LINGO2: variants seen among roughly 807,000 people sequenced by gnomAD.
LINGO2 encodes leucine rich repeat and Ig domain containing 2.
LINGO2 carries 14 observed loss-of-function variants against 30.6 expected under a neutral mutation model. That is an observed-to-expected ratio of 0.46 (90% CI 0.30 to 0.72). The LOEUF (loss-of-function observed/expected upper bound fraction) is 0.72. Among genes scored for constraint, LINGO2 ranks in the 30% least tolerant of loss-of-function variants. LINGO2 has a pLI of 0.07. For missense variants in LINGO2, 729 were observed against 751.7 expected, an observed-to-expected ratio of 0.97 and a Z score of 0.35; for synonymous variants, 317 against 288.5, an observed-to-expected ratio of 1.10 and a Z score of -1.00.
At chr9:28,779,966 CT>C in the LINGO2 span, among the ~76,000 whole-genome samples, 1 of 151,902 alleles carries the variant, frequency 6.6e-6, no homozygotes, top group African/African-American at 2.4e-5. Context: ...TGTTTAATGC[CT>C]TTTTTCTTCT....
At chr9:28,520,422 T>G (rs970648825) in intron 1 of LINGO2, among the ~76,000 whole-genome samples, 4 of 152,194 alleles carry the variant, frequency 2.6e-5, no homozygotes, top group African/African-American at 9.6e-5. Context: ...ATTTATTACC[T>G]CTTCAGAGGG....
chr9:28,384,836 AAAT>A (rs66469432), intron 2 of LINGO2, among the ~76,000 whole-genome samples: 55,504 of 151,478 alleles, frequency 0.37, 10,968 homozygotes, highest in East Asian at 0.48. Flanking sequence ...TAAAAAAAAA[AAAT>A]GTCTTCACAT....
At chr9:28,479,934 T>TAC (rs1825887569) in intron 1 of LINGO2, among the ~76,000 whole-genome samples, 2 of 121,100 alleles carry the variant, frequency 1.7e-5, no homozygotes, top group African/African-American at 7.8e-5. Context: ...TATATATATA[T>TAC]ATATATATAT....
rs1016515278 is a variant in LINGO2 at position 28,348,846 on chromosome 9, A to C, written c.-246+23990T>G. ...CCTCAAGTGGGTCCCTGACCCCTGA[A>C]CCCCGGGCAGCCTAACTGGGAGGCA... On this transcript the variant is annotated intron_variant, in intron 3 of 5. Coordinates refer to ENST00000379992, the Ensembl canonical transcript of LINGO2. 8.6e-5 allele frequency among the ~76,000 whole-genome samples: 13 copies of C among 151,998 alleles called. No individual in the cohort carries two copies. In the South Asian group the frequency reaches 1.9e-3, roughly 22 times the overall value.
chr9:28,133,047 A>G (rs1346405448), intron 4 of LINGO2, among the ~76,000 whole-genome samples: 1 of 149,984 alleles, frequency 6.7e-6, no homozygotes, highest in African/African-American at 2.5e-5. Flanking sequence ...AATGTCACAA[A>G]AATACAGGAA....
chr9:27,986,880 A>G (rs547818676), intron 5 of LINGO2, among the ~76,000 whole-genome samples: 1 of 151,878 alleles, frequency 6.6e-6, no homozygotes, highest in Non-Finnish European at 1.5e-5. Context: ...ATGTTCTACT[A>G]TCCAAGAAGA....
At chr9:28,843,535 A>G in the LINGO2 span, among the ~76,000 whole-genome samples, 1 of 151,888 alleles carries the variant, frequency 6.6e-6, no homozygotes, top group African/African-American at 2.4e-5. Flanking sequence ...GAAGGACACA[A>G]GACAGAGACA....
the LINGO2 span, among the ~76,000 whole-genome samples, chr9:29,026,943 A>C: frequency 9.0e-6 from 1 of 111,036 alleles, no homozygotes; most frequent in African/African-American, 2.6e-5. Context: ...AAATATATTT[A>C]AACTAAATAA....
At chr9:29,043,734 C>A in the LINGO2 span, among the ~76,000 whole-genome samples, 7 of 151,950 alleles carry the variant, frequency 4.6e-5, no homozygotes, top group African/African-American at 9.7e-5. Context: ...ACTGACCTCC[C>A]TTGATTACTT....
chr9:28,386,838 GTTATA>G (rs1821598940), intron 2 of LINGO2, among the ~76,000 whole-genome samples: 3 of 152,168 alleles, frequency 2.0e-5, no homozygotes, highest in African/African-American at 7.2e-5. Flanking sequence ...ACATGAAACA[GTTATA>G]TTTTATATGG....
chr9:28,105,274 C>A (rs1424825119), intron 4 of LINGO2, among the ~76,000 whole-genome samples: 2 of 152,116 alleles, frequency 1.3e-5, no homozygotes, highest in East Asian at 3.9e-4. Flanking sequence ...AATGTGCTCT[C>A]CAGTGAAGCT....
the LINGO2 span, among the ~76,000 whole-genome samples, chr9:29,212,445 G>A: frequency 6.6e-6 from 1 of 151,954 alleles, no homozygotes; most frequent in Non-Finnish European, 1.5e-5. Flanking sequence ...GGCAGCGTGG[G>A]CTTCGCGCGC....
At chr9:28,818,119 C>T in the LINGO2 span, among the ~76,000 whole-genome samples, 3 of 152,156 alleles carry the variant, frequency 2.0e-5, no homozygotes, top group Non-Finnish European at 4.4e-5. Flanking sequence ...CACCTCTCTT[C>T]AGATCAGAAC....
At chr9:28,952,907 G>T in the LINGO2 span, among the ~76,000 whole-genome samples, 2 of 152,178 alleles carry the variant, frequency 1.3e-5, no homozygotes, top group African/African-American at 4.8e-5. Context: ...ACCCATAACT[G>T]ATTCAAATCA....
At chr9:28,331,166 A>C (rs1226374088) in intron 3 of LINGO2, among the ~76,000 whole-genome samples, 1 of 152,092 alleles carries the variant, frequency 6.6e-6, no homozygotes, top group Non-Finnish European at 1.5e-5. Context: ...GTGAGGGGTA[A>C]AGAAAACCCA....
At chr9:28,751,288 C>CCA in the LINGO2 span, among the ~76,000 whole-genome samples, 3 of 82,020 alleles carry the variant, frequency 3.7e-5, no homozygotes, top group Non-Finnish European at 4.7e-5. Flanking sequence ...AAGATCCAGT[C>CCA]AAAAAAAAAA....
the LINGO2 span, among the ~76,000 whole-genome samples, chr9:28,843,370 A>AT: frequency 6.6e-6 from 1 of 151,606 alleles, no homozygotes; most frequent in Non-Finnish European, 1.5e-5. Flanking sequence ...CACTTATTAA[A>AT]AATTATTCAA....
At chr9:28,254,383 C>T (rs1364878596) in intron 4 of LINGO2, among the ~76,000 whole-genome samples, 1 of 151,918 alleles carries the variant, frequency 6.6e-6, no homozygotes, top group Non-Finnish European at 1.5e-5. Flanking sequence ...TGCCCCTAAC[C>T]ACGCTCTCTC....
chr9:28,538,568 C>T (rs1384764575), intron 1 of LINGO2, among the ~76,000 whole-genome samples: 1 of 152,008 alleles, frequency 6.6e-6, no homozygotes, highest in Non-Finnish European at 1.5e-5. Context: ...TACAAAATAC[C>T]ATAAACTGGG....
Sources: gnomAD v4.1 joint callset for allele counts (sites outside exome capture counted in the v4.1 genomes callset) on GRCh38, gnomAD v4.1.1 for gene constraint, MANE v1.5 for transcripts, NCBI Gene and HGNC (gene_info 2026-07-23, HGNC 2026-07-21) for gene names.